CTNNA3: variants seen among roughly 807,000 people sequenced by gnomAD.
CTNNA3 encodes the protein catenin alpha-3.
A neutral mutation model predicts 95.7 loss-of-function variants in CTNNA3; 76 were observed. The observed-to-expected ratio is 0.79, with a 90% confidence interval of 0.66 to 0.96. The LOEUF (loss-of-function observed/expected upper bound fraction) is 0.96. Ranked by LOEUF, CTNNA3 falls within the 40% of genes least tolerant of loss-of-function variation. CTNNA3 has a pLI of 0.00. For missense variants in CTNNA3, 1,191 were observed against 1,089.8 expected (o/e 1.09, Z -1.31); for synonymous variants, 431 against 374.4 (o/e 1.15, Z -1.74).
chr10:67,357,636 T>C (rs887675741), intron 5 of CTNNA3, among the ~76,000 whole-genome samples: 1 of 152,082 alleles, frequency 6.6e-6, no homozygotes, highest in Non-Finnish European at 1.5e-5. Context: ...AAAACCATCA[T>C]AATAAAAATA....
chr10:67,352,084 A>C (rs764147960), intron 5 of CTNNA3, among the ~76,000 whole-genome samples: 10 of 152,150 alleles, frequency 6.6e-5, no homozygotes, highest in Non-Finnish European at 1.3e-4. Context: ...ACAAACTAGC[A>C]GGGGATAGAG....
intron 9 of CTNNA3, among the ~76,000 whole-genome samples, chr10:66,659,088 T>C (rs10997287): frequency 0.24 from 36,425 of 151,896 alleles, 5,599 homozygotes; most frequent in East Asian, 0.52. Flanking sequence ...CCTGAAACTC[T>C]TCTAAGAACT....
intron 5 of CTNNA3, among the ~76,000 whole-genome samples, chr10:67,492,612 G>A (rs377454056): frequency 2.6e-4 from 39 of 152,322 alleles, no homozygotes; most frequent in African/African-American, 8.7e-4. Context: ...TAACTGCTAT[G>A]AAGAGGCGAA....
intron 7 of CTNNA3, among the ~76,000 whole-genome samples, chr10:67,117,910 T>C (rs1474101586): frequency 6.6e-6 from 1 of 152,026 alleles, no homozygotes; most frequent in Non-Finnish European, 1.5e-5. Context: ...GATGACTTCA[T>C]AGATATTTAT....
At chr10:67,399,245 T>C (rs577361845) in intron 5 of CTNNA3, among the ~76,000 whole-genome samples, 4 of 152,176 alleles carry the variant, frequency 2.6e-5, no homozygotes, top group Non-Finnish European at 5.9e-5. Flanking sequence ...ACAGTTCAAA[T>C]CCTTGTTGTT....
intron 13 of CTNNA3, among the ~76,000 whole-genome samples, chr10:66,166,927 G>A (rs1033313820): frequency 1.3e-5 from 2 of 152,122 alleles, no homozygotes; most frequent in Non-Finnish European, 2.9e-5. Flanking sequence ...TGAGTTTGGT[G>A]GGAGGAGTGG....
At chr10:66,518,850 AT>A (rs1171735111) in intron 11 of CTNNA3, among the ~76,000 whole-genome samples, 1 of 152,004 alleles carries the variant, frequency 6.6e-6, no homozygotes, top group Non-Finnish European at 1.5e-5. Context: ...ATTTCCAAAG[AT>A]TTTGATTCTA....
At position 66,766,348 on chromosome 10, in the gene CTNNA3, G is replaced by A. The variant is rs750968060; in HGVS notation, c.1197C>T (p.Leu399=). The A allele has an allele frequency of 6.2e-7, 1 of 1,613,620 alleles. No homozygotes were observed. The highest frequency in any genetic ancestry group is 8.5e-7 in the Non-Finnish European group (1 of 1,179,698). ...FLDTTVPLLV[L]IEAAKNGREK... ...CCCGGCCATTCTTAGCAGCTTCAAT[G>A]AGAACCAAAAGAGGGACTGTCGTAT... is the stretch of plus-strand genomic sequence containing the variant. Residue 399 remains leucine (L), a synonymous_variant, in exon 9 of 18, where the codon CTC becomes CTT. Coordinates refer to ENST00000433211, the MANE Select transcript of CTNNA3 (RefSeq NM_013266.4).
At chr10:67,195,734 C>A (rs140096702) in intron 6 of CTNNA3, among the ~76,000 whole-genome samples, 2 of 151,988 alleles carry the variant, frequency 1.3e-5, no homozygotes, top group Non-Finnish European at 2.9e-5. Flanking sequence ...TGTGACCATG[C>A]CTTACCAGGA....
chr10:67,547,360 C>T (rs1840876493), intron 3 of CTNNA3, among the ~76,000 whole-genome samples: 1 of 152,090 alleles, frequency 6.6e-6, no homozygotes, highest in Admixed American at 6.5e-5. Context: ...AATAAAATTA[C>T]CAGTTATCAA....
At chr10:67,207,576 T>C (rs1366987963) in intron 6 of CTNNA3, among the ~76,000 whole-genome samples, 2 of 152,090 alleles carry the variant, frequency 1.3e-5, no homozygotes, top group Non-Finnish European at 2.9e-5. Context: ...ACTAGGCAAG[T>C]CTACCACAAG....
At chr10:67,240,851 T>C (rs1865692554) in intron 5 of CTNNA3, among the ~76,000 whole-genome samples, 1 of 152,014 alleles carries the variant, frequency 6.6e-6, no homozygotes. Context: ...TGTGCACATG[T>C]GTGTGTGTGT....
intron 1 of CTNNA3, among the ~76,000 whole-genome samples, chr10:67,671,621 G>A (rs371757385): frequency 1.3e-5 from 2 of 149,874 alleles, no homozygotes; most frequent in South Asian, 2.1e-4. Flanking sequence ...TTGGTTTTTT[G>A]TCCTTGCGAT....
chr10:66,157,347 C>T (rs187980251), intron 13 of CTNNA3, among the ~76,000 whole-genome samples: 2 of 152,062 alleles, frequency 1.3e-5, no homozygotes, highest in African/African-American at 4.8e-5. Flanking sequence ...CCAATTCCAT[C>T]CAGGTCACTG....
In CTNNA3 at chr10:66,927,005, C is replaced by T; in HGVS notation, c.1048-151481G>A. The T allele has an allele frequency of 6.2e-7, 1 of 1,614,096 alleles. No homozygotes were observed. The highest frequency in any genetic ancestry group is 8.5e-7 in the Non-Finnish European group (1 of 1,180,028). On this transcript the variant is annotated intron_variant, in intron 7 of 17. Transcript: ENST00000433211. The surrounding 1 kb of genome is among the most constrained non-coding windows in gnomAD (Gnocchi z 4.7). ...GTCTTACTGACAATGCTTTCTTCTG[C>T]CGAACGAGGATGCCCTAAGGGCTGT...
At chr10:66,796,572 T>C (rs4076490) in intron 7 of CTNNA3, among the ~76,000 whole-genome samples, 34,343 of 152,006 alleles carry the variant, frequency 0.23, 4,760 homozygotes, top group East Asian at 0.47. Flanking sequence ...AACGAGTTTA[T>C]GCTGTTGGAA....
chr10:66,427,642 A>C (rs1391764277), intron 11 of CTNNA3, among the ~76,000 whole-genome samples: 4 of 152,054 alleles, frequency 2.6e-5, no homozygotes, highest in Non-Finnish European at 4.4e-5. Context: ...ACAATAAGCC[A>C]TTTCAGCATA....
At chr10:67,271,881 A>G (rs1014493891) in intron 5 of CTNNA3, among the ~76,000 whole-genome samples, 1 of 152,196 alleles carries the variant, frequency 6.6e-6, no homozygotes, top group Non-Finnish European at 1.5e-5. Flanking sequence ...ATTTCTCTCA[A>G]GTTATGCTGC....
At chr10:66,182,477 G>C (rs2086100657) in intron 13 of CTNNA3, among the ~76,000 whole-genome samples, 2 of 151,890 alleles carry the variant, frequency 1.3e-5, no homozygotes, top group Non-Finnish European at 2.9e-5. Flanking sequence ...GGATGGTCTC[G>C]ATCTCCTGAT....
Sources: allele counts gnomAD v4.1 joint callset (sites outside exome capture counted in the v4.1 genomes callset), GRCh38; gene constraint gnomAD v4.1.1; non-coding constraint Gnocchi (gnomAD v3.1); transcripts MANE v1.5; gene names NCBI Gene and HGNC (gene_info 2026-07-23, HGNC 2026-07-21).